Variants in CFLAR observed in about 807,000 individuals in gnomAD.
CFLAR encodes CASP8 and FADD like apoptosis regulator.
A neutral mutation model predicts 51.1 loss-of-function variants in CFLAR; 14 were observed. That is an observed-to-expected ratio of 0.27 (90% CI 0.18 to 0.43). The LOEUF (loss-of-function observed/expected upper bound fraction) is 0.43. CFLAR is among the 20% of genes least tolerant of loss of function. CFLAR has a pLI of 1.00. For synonymous variants in CFLAR, 210 were observed against 211.6 expected (o/e 0.99, Z 0.06); for missense variants, 390 against 566.5 (o/e 0.69, Z 3.16).
In CFLAR at chr2:201,161,420, AT is replaced by A. The variant is rs551168092; in HGVS notation, c.1304+489del. ...ATAACAAATTTATTTATTTTTATTTATTTTTTTTTTTGAGATGGAGTCTTGC... is the reference window on the plus strand; with the variant it reads ...ATAACAAATTTATTTATTTTTATTTATTTTTTTTTTGAGATGGAGTCTTGC... On this transcript the variant is annotated intron_variant, in intron 9 of 9. Coordinates refer to ENST00000309955, the MANE Select transcript of CFLAR (RefSeq NM_003879.7). Among the ~76,000 whole-genome samples, 190 of 145,628 alleles carry A rather than the reference AT, an allele frequency of 1.3e-3. 1 individual carries two copies. In the South Asian group the frequency reaches 0.018, roughly 13 times the overall value.
At chr2:201,161,416 A>AT (rs796091646) in intron 9 of CFLAR, among the ~76,000 whole-genome samples, 8 of 65,912 alleles carry the variant, frequency 1.2e-4, no homozygotes, top group African/African-American at 2.1e-4. Flanking sequence ...ATTTATTTTT[A>AT]TTTATTTTTT....
chr2:201,160,663 G>A lies in CFLAR; in HGVS notation c.1025G>A (p.Gly342Glu). The change falls in exon 9 of 10, where the codon GGA becomes GAA. Residue 342 changes from glycine to glutamate, a missense_variant. Gly to Glu is a moderately conservative substitution (Grantham distance 98). Around this residue, in one of 2 missense-constraint regions of CFLAR, gnomAD observed 287 missense variants for 363.6 expected, o/e 0.79. Transcript: ENST00000309955. ...CATCACATCAGGAGGATGTTCATGG[G>A]AGATTCATGCCCTTATCTAGCAGGG... ...PLHHIRRMFM[G>E]DSCPYLAGKP... 2 of 1,614,148 alleles carry A rather than the reference G, an allele frequency of 1.2e-6. No individual in the cohort carries two copies. Among genetic ancestry groups the A allele is most frequent in the Non-Finnish European group, 1.7e-6 (2 of 1,180,026 alleles).
Position 201,133,015 on chromosome 2 carries a change from T to C in CFLAR, c.282-14T>C. The stretch of plus-strand genomic sequence containing the variant: ...GATGTCTGAATTAACTAAATGAACT[T>C]GTCTGGTTTGCAGAGTGCTGATGGC... On this transcript the variant is annotated splice_polypyrimidine_tract_variant and intron_variant, in intron 2 of 9. Transcript: ENST00000309955. 6.2e-7 allele frequency: 1 copy of C among 1,606,282 alleles called. No individual in the cohort carries two copies. The highest frequency in any genetic ancestry group is 8.5e-7 in the Non-Finnish European group (1 of 1,173,472).
intron 1 of CFLAR, 189 bp from the exon 2 acceptor site, chr2:201,129,539 CT>C (rs2125658806): frequency 2.5e-6 from 1 of 402,222 alleles, no homozygotes; most frequent in East Asian, 3.5e-5. Flanking sequence ...TCTTCTCTGT[CT>C]TTTTGGATTA....
In CFLAR at chr2:201,118,323, CT is replaced by C. The variant is rs2047817519; in HGVS notation, c.-138+1843del. ...ATTTGCAGGGTCGCTGGGTTTCCCC[CT>C]CCCCCCGAAAGTCTTGCGCGACCCG... On this transcript the variant is annotated intron_variant, in intron 1 of 9. Coordinates refer to ENST00000309955, the MANE Select transcript of CFLAR (RefSeq NM_003879.7). The surrounding 1 kb of genome is among the most constrained non-coding windows in gnomAD (Gnocchi z 5.1). Among the ~76,000 whole-genome samples, 1 of 152,200 alleles carries C rather than the reference CT, an allele frequency of 6.6e-6. No homozygotes were observed. Among genetic ancestry groups the C allele is most frequent in the African/African-American group, 2.4e-5 (1 of 41,458 alleles).
At chr2:201,127,963 A>C (rs755996967) in intron 1 of CFLAR, among the ~76,000 whole-genome samples, 1 of 152,168 alleles carries the variant, frequency 6.6e-6, no homozygotes, top group Non-Finnish European at 1.5e-5. Flanking sequence ...TGGCATTGTT[A>C]TATTGTTGAT....
At chr2:201,163,699 G>T in intron 9 of CFLAR, 136 bp from the exon 10 acceptor site, 1 of 1,457,744 alleles carries the variant, frequency 6.9e-7, no homozygotes. Context: ...TGGATCATTT[G>T]CTAAGCAGCT....
intron 2 of CFLAR, 28 bp downstream of exon 2, chr2:201,130,174 GGT>G: frequency 6.9e-7 from 1 of 1,456,214 alleles, no homozygotes; most frequent in South Asian, 1.4e-5. Flanking sequence ...CCTGAGGCTG[GGT>G]GGGTGGGAGG....
intron 5 of CFLAR, chr2:201,142,808 A>T (rs1245089363): frequency 3.3e-5 from 5 of 152,284 alleles, no homozygotes; most frequent in African/African-American, 1.2e-4. Flanking sequence ...CATGTTGGTC[A>T]GGCTGGTCTT....
rs748504215 is a variant in CFLAR, at chr2:201,160,822, T to C, written c.1184T>C (p.Val395Ala). 6.2e-6 allele frequency: 10 copies of C among 1,613,986 alleles called. No homozygotes were observed. The highest frequency in any genetic ancestry group is 6.8e-6 in the Non-Finnish European group (8 of 1,179,938). Reference protein sequence around the residue: ...FKAQKRGLCTVHREADFFWSL... With the variant: ...FKAQKRGLCTAHREADFFWSL... ...GCTCAGAAGCGAGGGCTGTGCACAGTTCACCGAGAAGCTGACTTCTTCTGG... is the reference window on the plus strand; with the variant it reads ...GCTCAGAAGCGAGGGCTGTGCACAGCTCACCGAGAAGCTGACTTCTTCTGG... Residue 395 changes from valine (V) to alanine (A), a missense_variant, in exon 9 of 10, where the codon GTT becomes GCT. Physicochemically the swap from Val to Ala is moderately conservative, Grantham distance 64. Coordinates refer to ENST00000309955, the MANE Select transcript of CFLAR (RefSeq NM_003879.7).
At position 201,136,051 on chromosome 2, in the gene CFLAR, T is replaced by G; in HGVS notation, c.467T>G (p.Leu156Arg). 6.2e-7 allele frequency: 1 copy of G among 1,614,072 alleles called. No individual in the cohort carries two copies. The highest frequency in any genetic ancestry group is 8.5e-7 in the Non-Finnish European group (1 of 1,180,024). ...PDQLDLLEKC[L>R]KNIHRIDLKT... ...CAACTGGATTTATTAGAAAAATGCC[T>G]AAAGAACATCCACAGAATAGACCTG... Residue 156 changes from leucine to arginine, a missense_variant, in exon 4 of 10, where the codon CTA (leucine) becomes CGA (arginine). Physicochemically the swap from Leu to Arg is moderately radical, Grantham distance 102. Coordinates refer to ENST00000309955, the MANE Select transcript of CFLAR (RefSeq NM_003879.7).
At chr2:201,123,836 C>A (rs2048425070) in intron 1 of CFLAR, among the ~76,000 whole-genome samples, 1 of 152,068 alleles carries the variant, frequency 6.6e-6, no homozygotes. Context: ...TCTACTTTAC[C>A]CAGAATTGTG....
intron 4 of CFLAR, chr2:201,136,697 C>T: frequency 1.3e-6 from 1 of 757,088 alleles, no homozygotes; most frequent in South Asian, 1.9e-5. Context: ...GCCTAAAGGG[C>T]ATGGCTGAGA....
chr2:201,147,081 A>G (rs74764677), intron 6 of CFLAR, among the ~76,000 whole-genome samples: 4,136 of 152,324 alleles, frequency 0.027, 95 homozygotes, highest in Middle Eastern at 0.082. Flanking sequence ...ATTAAAAACA[A>G]TTGGTGTTCT....
rs558234044 is a variant in CFLAR at position 201,145,450 on chromosome 2, T to A, written c.661+18T>A. ...CGCTCAACGTAAGACCACCTTTTTT[T>A]AATATTCATTATTTATAAATGCTTG... On this transcript the variant is annotated intron_variant, in intron 6 of 9. Coordinates refer to ENST00000309955, the MANE Select transcript of CFLAR (RefSeq NM_003879.7). 10 of 1,505,152 alleles carry A rather than the reference T, an allele frequency of 6.6e-6. No homozygotes were observed. Among genetic ancestry groups the A allele is most frequent in the African/African-American group, 2.8e-5 (2 of 72,458 alleles). The allele number at this position is 1,505,152 out of a possible 1,614,324, so 93.2% of individuals were successfully genotyped here. A position where few individuals can be genotyped will look rare whatever the true frequency, so the allele number is the denominator to read the frequency against.
intron 4 of CFLAR, chr2:201,140,110 C>A: frequency 9.2e-6 from 2 of 216,360 alleles, no homozygotes; most frequent in South Asian, 3.0e-4. Context: ...TGCAGCCAGG[C>A]GCCGGGTGGG....
intron 5 of CFLAR, among the ~76,000 whole-genome samples, chr2:201,143,977 T>A (rs1981726): frequency 0.24 from 37,026 of 152,100 alleles, 5,209 homozygotes; most frequent in African/African-American, 0.39. Context: ...TAAAAATTAT[T>A]TGGCTACAAT....
chr2:201,173,193 C>T lies in CFLAR; in HGVS notation c.*9220C>T, dbSNP rs1210138817. On this transcript the variant is annotated 3_prime_UTR_variant, in exon 10 of 10. Coordinates refer to ENST00000309955, the MANE Select transcript of CFLAR (RefSeq NM_003879.7). ...AGTAGCTGGGTTTACAGGAGCTCGC[C>T]ACCATGCCCAACTAATTTTTGTATT... 1 of 151,686 alleles carries T rather than the reference C, an allele frequency of 6.6e-6. No homozygotes were observed. Among genetic ancestry groups the T allele is most frequent in the Non-Finnish European group, 1.5e-5 (1 of 67,960 alleles). 9.4% of individuals were successfully genotyped at this position (151,686 alleles called of 1,614,324 possible). A position where few individuals can be genotyped will look rare whatever the true frequency, so the allele number is the denominator to read the frequency against.
chr2:201,137,765 G>A (rs577193613), intron 4 of CFLAR: 229 of 988,276 alleles, frequency 2.3e-4, no homozygotes, highest in African/African-American at 9.8e-4. Context: ...TATCCCCGTC[G>A]TTGAAGTATT....
Sources: gnomAD v4.1 joint callset for allele counts (sites outside exome capture counted in the v4.1 genomes callset) on GRCh38, gnomAD v4.1.1 for gene constraint, gnomAD v4.1.1 regional missense constraint, Gnocchi (gnomAD v3.1) non-coding constraint, MANE v1.5 for transcripts, NCBI Gene and HGNC (gene_info 2026-07-23, HGNC 2026-07-21) for gene names.